The following KCNK12 variants were observed in gnomAD, a reference collection of about 807,000 sequenced individuals.
KCNK12 encodes the protein potassium two pore domain channel subfamily K member 12.
KCNK12 carries 6 observed loss-of-function variants against 25.3 expected under a neutral mutation model. The ratio of observed to expected loss-of-function variants is 0.24; its 90% confidence interval spans 0.13 to 0.47. The LOEUF is 0.47. Among genes scored for constraint, KCNK12 ranks in the 20% least tolerant of loss-of-function variants. KCNK12 has a pLI of 0.99. For synonymous variants in KCNK12, 331 were observed against 311.1 expected, an observed-to-expected ratio of 1.06 and a Z score of -0.67; for missense variants, 444 against 661.7, an observed-to-expected ratio of 0.67 and a Z score of 3.61.
At chr2:47,541,092 G>C (rs994862356) in intron 1 of KCNK12, among the ~76,000 whole-genome samples, 2 of 152,180 alleles carry the variant, frequency 1.3e-5, no homozygotes, top group Non-Finnish European at 2.9e-5. Flanking sequence ...GTTCCAATGG[G>C]AAGTGCAGAG....
rs1176414062 is a variant in KCNK12, at chr2:47,547,385, A to T, written c.391+22556T>A. On this transcript the variant is annotated intron_variant, in intron 1 of 1. Transcript: ENST00000327876. The surrounding 1 kb of genome is among the most constrained non-coding windows in gnomAD (Gnocchi z 5.0). ...ACAACCTGGGCATCAAGGCTTAAAA[A>T]CTCCCAGGTAATTTTAATATGCAGC... Among the ~76,000 whole-genome samples, 3 of 151,284 alleles carry T rather than the reference A, an allele frequency of 2.0e-5. No homozygotes were observed. The highest frequency in any genetic ancestry group is 7.3e-5 in the African/African-American group (3 of 41,082).
rs553787913 is a variant in KCNK12 at position 47,531,513 on chromosome 2, A to G, written c.392-9705T>C. Among the ~76,000 whole-genome samples the G allele has an allele frequency of 3.2e-4, 48 of 151,652 alleles. No individual in the cohort carries two copies. The South Asian group carries it at 0.01, about 32-fold the overall frequency. On this transcript the variant is annotated intron_variant, in intron 1 of 1. Coordinates refer to ENST00000327876, the MANE Select transcript of KCNK12 (RefSeq NM_022055.2). ...TTAGGTGGGATTTCAAGAGATTGACAGGGAGCAGAGGCCTAGGCTTGGGAA... is the reference window on the plus strand; with the variant it reads ...TTAGGTGGGATTTCAAGAGATTGACGGGGAGCAGAGGCCTAGGCTTGGGAA...
In KCNK12 at chr2:47,520,087, G is replaced by A. The variant is rs1365268511; in HGVS notation, c.*820C>T. The A allele has an allele frequency of 6.6e-6, 1 of 152,250 alleles. No individual in the cohort carries two copies. Among genetic ancestry groups the A allele is most frequent in the Non-Finnish European group, 1.5e-5 (1 of 68,046 alleles). The allele number at this position is 152,250 out of a possible 1,614,324, so 9.4% of individuals were successfully genotyped here. ...CACTGCTGTGGATGAGCTTGTGAAAGAAAGGACGGTTGGGGGATTCAAGAT... is the reference window on the plus strand; with the variant it reads ...CACTGCTGTGGATGAGCTTGTGAAAAAAAGGACGGTTGGGGGATTCAAGAT... On this transcript the variant is annotated 3_prime_UTR_variant, in exon 2 of 2. Transcript: ENST00000327876. The surrounding 1 kb of genome is among the most constrained non-coding windows in gnomAD (Gnocchi z 5.0).
intron 1 of KCNK12, among the ~76,000 whole-genome samples, chr2:47,544,219 C>T (rs1002305437): frequency 2.6e-5 from 4 of 152,204 alleles, no homozygotes; most frequent in African/African-American, 9.6e-5. Context: ...TCAGCATACA[C>T]GTGGTGTTTC....
At position 47,528,981 on chromosome 2, in the gene KCNK12, C is replaced by G. The variant is rs570202569; in HGVS notation, c.392-7173G>C. The stretch of plus-strand genomic sequence containing the variant: ...CCAAAAATGCAGGCAAGGAAATGGG[C>G]TGAGGGAGGGGAAGCATTCACTGAA... On this transcript the variant is annotated intron_variant, in intron 1 of 1. Transcript: ENST00000327876. This position sits in a 1 kb window ranked among gnomAD's most constrained non-coding sequence, Gnocchi z 4.5. 1 of 152,252 alleles carries G rather than the reference C, an allele frequency of 6.6e-6. No homozygotes were observed. The highest frequency in any genetic ancestry group is 1.5e-5 in the Non-Finnish European group (1 of 68,066). 9.4% of individuals were successfully genotyped at this position (152,252 alleles called of 1,614,324 possible).
At chr2:47,542,342 C>A (rs1159372728) in intron 1 of KCNK12, among the ~76,000 whole-genome samples, 2 of 152,224 alleles carry the variant, frequency 1.3e-5, no homozygotes, top group Admixed American at 1.3e-4. Context: ...GGGACTGGAG[C>A]CTTCGCAAAC....
Position 47,514,050 on chromosome 2 carries a change from C to T in KCNK12, c.*6857G>A, listed in dbSNP as rs1312136484. Among the ~76,000 whole-genome samples the T allele has an allele frequency of 6.6e-6, 1 of 152,200 alleles. No homozygotes were observed. The highest frequency in any genetic ancestry group is 1.5e-5 in the Non-Finnish European group (1 of 68,032). ...TTTGTTTTACAAGGCCCTTCGCTAT[C>T]TGGCCCCCTCATTACCTCCCTTGCT... On this transcript the variant is annotated 3_prime_UTR_variant, in exon 2 of 2. Coordinates refer to ENST00000327876, the MANE Select transcript of KCNK12 (RefSeq NM_022055.2). The surrounding 1 kb of genome is among the most constrained non-coding windows in gnomAD (Gnocchi z 5.0).
rs1668634117 is a variant in KCNK12 at position 47,520,796 on chromosome 2, T to G, written c.*111A>C. ...TTTCTTTAAAAAAATTTTTTTTGTT[T>G]CATTTTATTGGATAAAGATTAAGAA... On this transcript the variant is annotated 3_prime_UTR_variant, in exon 2 of 2. Transcript: ENST00000327876. The surrounding 1 kb of genome is among the most constrained non-coding windows in gnomAD (Gnocchi z 5.0). 5.9e-6 allele frequency: 5 copies of G among 841,016 alleles called. No individual in the cohort carries two copies. The highest frequency in any genetic ancestry group is 1.8e-5 in the African/African-American group (1 of 56,862). The allele number at this position is 841,016 out of a possible 1,614,324, so 52.1% of individuals were successfully genotyped here. A position where few individuals can be genotyped will look rare whatever the true frequency, so the allele number is the denominator to read the frequency against.
chr2:47,570,395 C>G lies in KCNK12; in HGVS notation c.-64G>C. 2 of 1,209,918 alleles carry G rather than the reference C, an allele frequency of 1.7e-6. No homozygotes were observed. The highest frequency in any genetic ancestry group is 7.7e-5 in the South Asian group (2 of 26,012). The allele number at this position is 1,209,918 out of a possible 1,614,324, so 74.9% of individuals were successfully genotyped here. Reference sequence around the variant, plus strand: ...GGCCCGGGCCACGACATCCCCCCGGCGGGAGCAGGAGCGTGAGGATGGTGG... The same window carrying G: ...GGCCCGGGCCACGACATCCCCCCGGGGGGAGCAGGAGCGTGAGGATGGTGG... On this transcript the variant is annotated 5_prime_UTR_variant, in exon 1 of 2. Coordinates refer to ENST00000327876, the MANE Select transcript of KCNK12 (RefSeq NM_022055.2).
Position 47,521,155 on chromosome 2 carries a change from C to G in KCNK12, c.1045G>C (p.Gly349Arg), listed in dbSNP as rs1573621319. 7.7e-7 allele frequency: 1 copy of G among 1,290,450 alleles called. No homozygotes were observed. The highest frequency in any genetic ancestry group is 9.8e-7 in the Non-Finnish European group (1 of 1,023,214). 79.9% of individuals were successfully genotyped at this position (1,290,450 alleles called of 1,614,324 possible). Reference protein sequence around the residue: ...SRLRRRLAALGADPAARDSDA... With the variant: ...SRLRRRLAALRADPAARDSDA... ...CTGTCGCGGGCCGCGGGGTCGGCACCGAGCGCGGCCAGGCGGCGGCGCAGC... is the reference window on the plus strand; with the variant it reads ...CTGTCGCGGGCCGCGGGGTCGGCACGGAGCGCGGCCAGGCGGCGGCGCAGC... Residue 349 changes from glycine to arginine, a missense_variant, in exon 2 of 2, where the codon GGT becomes CGT. Physicochemically the swap from Gly to Arg is moderately radical, Grantham distance 125. Coordinates refer to ENST00000327876, the MANE Select transcript of KCNK12 (RefSeq NM_022055.2).
At position 47,512,519 on chromosome 2, in the gene KCNK12, C is replaced by T; in HGVS notation, c.*8388G>A. ...TGTAAACATTTCCCTCAAAATGGAGCAGGAAGCTCTCAAAAATGGACCAGA... is the reference window on the plus strand; with the variant it reads ...TGTAAACATTTCCCTCAAAATGGAGTAGGAAGCTCTCAAAAATGGACCAGA... On this transcript the variant is annotated 3_prime_UTR_variant, in exon 2 of 2. Transcript: ENST00000327876. The T allele has an allele frequency of 7.1e-7, 1 of 1,413,498 alleles. No individual in the cohort carries two copies. Among genetic ancestry groups the T allele is most frequent in the Non-Finnish European group, 9.5e-7 (1 of 1,053,644 alleles). The allele number at this position is 1,413,498 out of a possible 1,614,324, so 87.6% of individuals were successfully genotyped here.
chr2:47,523,595 A>T (rs1668707287), intron 1 of KCNK12, among the ~76,000 whole-genome samples: 2 of 152,220 alleles, frequency 1.3e-5, no homozygotes, highest in South Asian at 4.1e-4. Context: ...CGCCCATGCC[A>T]TCCAGGGCAG....
rs557449365 is a variant in KCNK12, at chr2:47,529,458, C to CCAAAA, written c.392-7651_392-7650insTTTTG. On this transcript the variant is annotated intron_variant, in intron 1 of 1. Coordinates refer to ENST00000327876, the MANE Select transcript of KCNK12 (RefSeq NM_022055.2). This position sits in a 1 kb window ranked among gnomAD's most constrained non-coding sequence, Gnocchi z 4.3. Reference sequence around the variant, plus strand: ...ACCCTATTGGTTGGAATCTGTCCAACTACAAATATTTTGATTTAAATTTCC... The same window carrying CCAAAA: ...ACCCTATTGGTTGGAATCTGTCCAACCAAAATACAAATATTTTGATTTAAATTTCC... 7.4e-4 allele frequency among the ~76,000 whole-genome samples: 112 copies of CCAAAA among 152,356 alleles called. 1 individual carries two copies. The South Asian group carries it at 0.022, about 30-fold the overall frequency.
intron 1 of KCNK12, among the ~76,000 whole-genome samples, chr2:47,524,121 T>A (rs1668719225): frequency 6.6e-6 from 1 of 152,162 alleles, no homozygotes; most frequent in Admixed American, 6.5e-5. Flanking sequence ...ATGGATTATG[T>A]CCCTAGATTT....
At chr2:47,550,902 C>G (rs1350013403) in intron 1 of KCNK12, among the ~76,000 whole-genome samples, 1 of 152,148 alleles carries the variant, frequency 6.6e-6, no homozygotes, top group Non-Finnish European at 1.5e-5. Context: ...AATGAGTCCC[C>G]ACACTTCTAT....
intron 1 of KCNK12, among the ~76,000 whole-genome samples, chr2:47,522,105 CAA>C (rs1395879657): frequency 1.3e-5 from 2 of 152,154 alleles, no homozygotes; most frequent in Non-Finnish European, 2.9e-5. Context: ...CATCATGACA[CAA>C]AAAATAGAAA....
In KCNK12 at chr2:47,557,639, G is replaced by A. The variant is rs1025172444; in HGVS notation, c.391+12302C>T. ...ATGAATAATGCATACCTGCCCGGCT[G>A]AACAATGCACATCAAGGAGCTTTGT... On this transcript the variant is annotated intron_variant, in intron 1 of 1. Coordinates refer to ENST00000327876, the MANE Select transcript of KCNK12 (RefSeq NM_022055.2). This position sits in a 1 kb window ranked among gnomAD's most constrained non-coding sequence, Gnocchi z 4.9. Among the ~76,000 whole-genome samples the A allele has an allele frequency of 4.6e-5, 7 of 152,142 alleles. No individual in the cohort carries two copies. The highest frequency in any genetic ancestry group is 1.7e-4 in the African/African-American group (7 of 41,418).
At position 47,566,550 on chromosome 2, in the gene KCNK12, G is replaced by A. The variant is rs1009899586; in HGVS notation, c.391+3391C>T. 6.6e-6 allele frequency: 1 copy of A among 152,140 alleles called. No individual in the cohort carries two copies. The highest frequency in any genetic ancestry group is 1.5e-5 in the Non-Finnish European group (1 of 68,020). 9.4% of individuals were successfully genotyped at this position (152,140 alleles called of 1,614,324 possible). The stretch of plus-strand genomic sequence containing the variant: ...GCTAGTACCCCATCTCTGCCCTTTA[G>A]GCTGGCTTTTGCCTGTCTAGCTAAC... On this transcript the variant is annotated intron_variant, in intron 1 of 1. Transcript: ENST00000327876. This position sits in a 1 kb window ranked among gnomAD's most constrained non-coding sequence, Gnocchi z 4.1.
intron 1 of KCNK12, among the ~76,000 whole-genome samples, chr2:47,559,668 A>G (rs11885765): frequency 7.9e-5 from 12 of 152,288 alleles, no homozygotes; most frequent in African/African-American, 2.6e-4. Context: ...CGTTTTCTGC[A>G]TACCTACTAT....
Sources: allele counts gnomAD v4.1 joint callset (sites outside exome capture counted in the v4.1 genomes callset), GRCh38; gene constraint gnomAD v4.1.1; non-coding constraint Gnocchi (gnomAD v3.1); transcripts MANE v1.5; gene names NCBI Gene and HGNC (gene_info 2026-07-23, HGNC 2026-07-21).